The following TTC1 variants were observed in gnomAD, a reference collection of about 807,000 sequenced individuals.
TTC1 encodes the protein tetratricopeptide repeat protein 1.
In TTC1, 31 loss-of-function variants were observed where a neutral mutation model predicts 37.6. The observed-to-expected ratio is 0.82, with a 90% CI of 0.62 to 1.11. The LOEUF (loss-of-function observed/expected upper bound fraction) is 1.11. Ranked by LOEUF, TTC1 falls within the 50% of genes most tolerant of loss-of-function variation. TTC1 has a pLI of 0.00. For synonymous variants in TTC1, 127 were observed against 122.4 expected, an observed-to-expected ratio of 1.04 and a Z score of -0.25; for missense variants, 351 against 339.0, an observed-to-expected ratio of 1.04 and a Z score of -0.28.
rs1195550225 is a variant in TTC1 at position 160,057,210 on chromosome 5, G to C, written c.745+6027G>C. Among the ~76,000 whole-genome samples the C allele has an allele frequency of 6.6e-6, 1 of 152,138 alleles. No homozygotes were observed. The highest frequency in any genetic ancestry group is 1.9e-4 in the East Asian group (1 of 5,188). ...TTAGGAGAATAGTTCCCACTTCTTT[G>C]AAAGTTCTTGGTAAGGCTTCTTTCA... On this transcript the variant is annotated intron_variant, in intron 7 of 7. Coordinates refer to ENST00000231238, the MANE Select transcript of TTC1 (RefSeq NM_003314.3). This position sits in a 1 kb window ranked among gnomAD's most constrained non-coding sequence, Gnocchi z 4.4.
At chr5:160,028,509 G>A (rs1756849042) in intron 2 of TTC1, among the ~76,000 whole-genome samples, 1 of 151,932 alleles carries the variant, frequency 6.6e-6, no homozygotes, top group South Asian at 2.1e-4. Context: ...TTTGAAGCAA[G>A]GTCGCACTCT....
intron 2 of TTC1, among the ~76,000 whole-genome samples, chr5:160,026,507 A>G (rs1223004615): frequency 6.6e-6 from 1 of 152,186 alleles, no homozygotes; most frequent in Non-Finnish European, 1.5e-5. Flanking sequence ...ATACACTTAT[A>G]GTTGTTATAT....
At chr5:160,044,599 A>G (rs1196112336) in intron 5 of TTC1, among the ~76,000 whole-genome samples, 4 of 152,178 alleles carry the variant, frequency 2.6e-5, no homozygotes, top group Non-Finnish European at 4.4e-5. Flanking sequence ...TAGCATGTTA[A>G]TGCATTATAA....
At chr5:160,033,956 A>G (rs2113367125) in intron 2 of TTC1, among the ~76,000 whole-genome samples, 1 of 152,304 alleles carries the variant, frequency 6.6e-6, no homozygotes, top group African/African-American at 2.4e-5. Flanking sequence ...AGAAGCTTCA[A>G]GAAGGAGGAA....
intron 2 of TTC1, among the ~76,000 whole-genome samples, chr5:160,020,078 A>C (rs973264568): frequency 4.1e-5 from 6 of 148,132 alleles, no homozygotes; most frequent in African/African-American, 1.5e-4. Flanking sequence ...ACAGGTGCCC[A>C]CCACCACACC....
At chr5:160,036,506 G>C (rs1757001493) in intron 3 of TTC1, 185 bp from the exon 4 acceptor site, 1 of 522,386 alleles carries the variant, frequency 1.9e-6, no homozygotes, top group Non-Finnish European at 3.5e-6. Flanking sequence ...AGCAAGCACT[G>C]TTCCTTTAAA....
At chr5:160,029,705 G>A (rs975346171) in intron 2 of TTC1, among the ~76,000 whole-genome samples, 3 of 148,328 alleles carry the variant, frequency 2.0e-5, no homozygotes, top group African/African-American at 7.3e-5. Flanking sequence ...AGAATACAAA[G>A]TACAAAGTAC....
intron 7 of TTC1, among the ~76,000 whole-genome samples, chr5:160,063,124 A>G (rs979501767): frequency 3.9e-5 from 6 of 152,190 alleles, no homozygotes; most frequent in Non-Finnish European, 8.8e-5. Context: ...TTATCCAAAG[A>G]TGGGTTGGCC....
intron 2 of TTC1, among the ~76,000 whole-genome samples, chr5:160,025,226 C>T (rs1375464148): frequency 1.3e-5 from 2 of 152,186 alleles, no homozygotes; most frequent in African/African-American, 4.8e-5. Flanking sequence ...TGGGGTTTGA[C>T]CATGTTGGCC....
chr5:160,018,396 G>A (rs1213653837), intron 2 of TTC1, among the ~76,000 whole-genome samples: 1 of 152,226 alleles, frequency 6.6e-6, no homozygotes, highest in East Asian at 1.9e-4. Flanking sequence ...TGGAGAGGTG[G>A]CCTCTCAACA....
rs575935762 is a variant in TTC1 at position 160,018,772 on chromosome 5, G to A, written c.330+7914G>A. On this transcript the variant is annotated intron_variant, in intron 2 of 7. Coordinates refer to ENST00000231238, the MANE Select transcript of TTC1 (RefSeq NM_003314.3). ...AATGGAGGGGTATGAGGATGGAGGAGGGACATGAATAGAACATTTGAGCCC... is the reference window on the plus strand; with the variant it reads ...AATGGAGGGGTATGAGGATGGAGGAAGGACATGAATAGAACATTTGAGCCC... 3.0e-4 allele frequency among the ~76,000 whole-genome samples: 46 copies of A among 152,254 alleles called. 1 individual carries two copies. The South Asian group carries it at 9.5e-3, about 32-fold the overall frequency.
rs142556060 is a variant in TTC1, at chr5:160,009,597, C to CATAAATAA, written c.-30+418_-30+425dup. Among the ~76,000 whole-genome samples the CATAAATAA allele has an allele frequency of 6.2e-4, 94 of 152,028 alleles. No individual in the cohort carries two copies. In the Middle Eastern group the frequency reaches 0.017, roughly 28 times the overall value. On this transcript the variant is annotated intron_variant, in intron 1 of 7. Transcript: ENST00000231238. ...ATATCAGAATCACCTGGGATGAAAACATAAATAAATAAATAAATAAACCTG... is the reference window on the plus strand; with the variant it reads ...ATATCAGAATCACCTGGGATGAAAACATAAATAAATAAATAAATAAATAAATAAACCTG...
chr5:160,033,592 A>C (rs989496990), intron 2 of TTC1, among the ~76,000 whole-genome samples: 6 of 152,248 alleles, frequency 3.9e-5, no homozygotes, highest in African/African-American at 1.4e-4. Context: ...ATTGACTCAC[A>C]GTTCCACATG....
chr5:160,023,117 C>T (rs1756740149), intron 2 of TTC1, among the ~76,000 whole-genome samples: 1 of 151,986 alleles, frequency 6.6e-6, no homozygotes, highest in Non-Finnish European at 1.5e-5. Flanking sequence ...ATAGCAGGGC[C>T]TGGTGGTGTG....
At chr5:160,022,743 G>A (rs1227516524) in intron 2 of TTC1, among the ~76,000 whole-genome samples, 1 of 152,156 alleles carries the variant, frequency 6.6e-6, no homozygotes, top group Non-Finnish European at 1.5e-5. Flanking sequence ...AGTATTTACA[G>A]TAATTTGTCT....
chr5:160,041,178 G>A (rs1212669212), intron 4 of TTC1, among the ~76,000 whole-genome samples: 1 of 152,066 alleles, frequency 6.6e-6, no homozygotes, highest in Non-Finnish European at 1.5e-5. Context: ...GGACCTGCCT[G>A]AGGCTGTTTG....
intron 3 of TTC1, among the ~76,000 whole-genome samples, chr5:160,035,619 C>CTCTTTCTT (rs998428644): frequency 6.6e-6 from 1 of 152,174 alleles, no homozygotes; most frequent in African/African-American, 2.4e-5. Context: ...CCTTTGGTTG[C>CTCTTTCTT]TCTTTCTTTC....
intron 2 of TTC1, among the ~76,000 whole-genome samples, chr5:160,019,578 T>C (rs34707679): frequency 6.9e-6 from 1 of 145,568 alleles, no homozygotes; most frequent in African/African-American, 2.5e-5. Flanking sequence ...TTTTCTTTCA[T>C]TCTTTTTTTT....
At chr5:160,016,987 C>T (rs2113344442) in intron 2 of TTC1, among the ~76,000 whole-genome samples, 2 of 152,112 alleles carry the variant, frequency 1.3e-5, no homozygotes, top group Non-Finnish European at 2.9e-5. Context: ...ACAGGAAAAG[C>T]TCTCAGAGAG....
Sources: gnomAD v4.1 joint callset for allele counts (sites outside exome capture counted in the v4.1 genomes callset) on GRCh38, gnomAD v4.1.1 for gene constraint, Gnocchi (gnomAD v3.1) non-coding constraint, MANE v1.5 for transcripts, NCBI Gene and HGNC (gene_info 2026-07-23, HGNC 2026-07-21) for gene names.